Variants in NKAIN3 observed in about 807,000 individuals in gnomAD.
NKAIN3 encodes sodium/potassium-transporting ATPase subunit beta-1-interacting protein 3.
NKAIN3 carries 25 observed loss-of-function variants against 30.2 expected under a neutral mutation model. That is an observed-to-expected ratio of 0.83 (90% confidence interval 0.60 to 1.16). The LOEUF (loss-of-function observed/expected upper bound fraction) is 1.16. Among genes scored for constraint, NKAIN3 ranks in the 50% most tolerant of loss-of-function variants. NKAIN3 has a pLI of 0.00. For synonymous variants in NKAIN3, 91 were observed against 89.6 expected, an observed-to-expected ratio of 1.02 and a Z score of -0.09; for missense variants, 225 against 254.1, an observed-to-expected ratio of 0.89 and a Z score of 0.78.
intron 1 of NKAIN3, among the ~76,000 whole-genome samples, chr8:62,266,112 C>T (rs1812590143): frequency 6.6e-6 from 1 of 152,166 alleles, no homozygotes; most frequent in African/African-American, 2.4e-5. Context: ...TCCTCTTGGA[C>T]TCCTCAGAGG....
intron 5 of NKAIN3, among the ~76,000 whole-genome samples, chr8:62,920,728 C>T (rs1822252509): frequency 6.6e-6 from 1 of 152,162 alleles, no homozygotes; most frequent in Admixed American, 6.5e-5. Flanking sequence ...TAGGGCCATA[C>T]ATTACATTAC....
At chr8:62,654,743 C>T (rs1327423950) in intron 3 of NKAIN3, among the ~76,000 whole-genome samples, 1 of 152,108 alleles carries the variant, frequency 6.6e-6, no homozygotes, top group Non-Finnish European at 1.5e-5. Flanking sequence ...AAATTTACCA[C>T]ACATACACAC....
chr8:62,864,216 G>A lies in NKAIN3; in HGVS notation c.472-54237G>A, dbSNP rs1820350400. On this transcript the variant is annotated intron_variant, in intron 4 of 6. Coordinates refer to ENST00000623646, the MANE Select transcript of NKAIN3 (RefSeq NM_001304533.3). The stretch of plus-strand genomic sequence containing the variant: ...TCTGGCGGATGGCGAATACTGCGCA[G>A]AAGTGAAACTAAAAACAGCAGGATT... 5 of 699,540 alleles carry A rather than the reference G, an allele frequency of 7.1e-6. No individual in the cohort carries two copies. In the Admixed American group the frequency reaches 8.4e-5, roughly 12 times the overall value. The allele number at this position is 699,540 out of a possible 1,614,324, so 43.3% of individuals were successfully genotyped here. A position where few individuals can be genotyped will look rare whatever the true frequency, so the allele number is the denominator to read the frequency against.
chr8:62,311,808 G>A (rs1814443361), intron 1 of NKAIN3, among the ~76,000 whole-genome samples: 1 of 150,350 alleles, frequency 6.7e-6, no homozygotes, highest in South Asian at 2.1e-4. Flanking sequence ...GCCTGAAATA[G>A]TTGAAGTGAG....
At chr8:62,649,711 A>C (rs1236781574) in intron 3 of NKAIN3, among the ~76,000 whole-genome samples, 3 of 152,022 alleles carry the variant, frequency 2.0e-5, no homozygotes, top group South Asian at 2.1e-4. Context: ...TTGTGAAAGG[A>C]GGGAGGAAAA....
At chr8:62,934,418 T>A (rs1490199190) in intron 5 of NKAIN3, among the ~76,000 whole-genome samples, 1 of 151,950 alleles carries the variant, frequency 6.6e-6, no homozygotes, top group Non-Finnish European at 1.5e-5. Context: ...AAAAATAACT[T>A]ATTTTTTCCA....
intron 4 of NKAIN3, among the ~76,000 whole-genome samples, chr8:62,851,951 C>T (rs982152034): frequency 4.6e-5 from 7 of 152,150 alleles, no homozygotes; most frequent in African/African-American, 1.7e-4. Flanking sequence ...GCTTTGGTAT[C>T]AGGATGATGC....
At chr8:62,565,021 G>GA (rs1809706916) in intron 1 of NKAIN3, among the ~76,000 whole-genome samples, 2 of 151,948 alleles carry the variant, frequency 1.3e-5, no homozygotes, top group Non-Finnish European at 2.9e-5. Flanking sequence ...CATACACTTG[G>GA]AAAATCTCAA....
rs1003261606 is a variant in NKAIN3, at chr8:62,763,947, T to C, written c.471+16818T>C. 4.6e-5 allele frequency among the ~76,000 whole-genome samples: 7 copies of C among 152,306 alleles called. No individual in the cohort carries two copies. In the South Asian group the frequency reaches 1.5e-3, roughly 32 times the overall value. ...GGAGAAGTTTATTGAGGGGTTGTAATGTCTCTGGTCAGAGGGGAGGTTCGG... is the reference window on the plus strand; with the variant it reads ...GGAGAAGTTTATTGAGGGGTTGTAACGTCTCTGGTCAGAGGGGAGGTTCGG... On this transcript the variant is annotated intron_variant, in intron 4 of 6. Coordinates refer to ENST00000623646, the MANE Select transcript of NKAIN3 (RefSeq NM_001304533.3).
At chr8:62,751,761 C>T (rs553644259) in intron 4 of NKAIN3, among the ~76,000 whole-genome samples, 22 of 151,572 alleles carry the variant, frequency 1.5e-4, no homozygotes, top group Non-Finnish European at 2.5e-4. Flanking sequence ...GTATGTGTTA[C>T]ATATTATAAT....
chr8:62,448,020 T>A (rs1805536552), intron 1 of NKAIN3, among the ~76,000 whole-genome samples: 1 of 151,982 alleles, frequency 6.6e-6, no homozygotes, highest in African/African-American at 2.4e-5. Flanking sequence ...ATCACCTTGA[T>A]AAATCAACAT....
intron 4 of NKAIN3, among the ~76,000 whole-genome samples, chr8:62,749,292 G>A (rs958567791): frequency 6.6e-6 from 1 of 152,172 alleles, no homozygotes; most frequent in African/African-American, 2.4e-5. Context: ...AGGAGCTGGA[G>A]TGTCACATAA....
At chr8:62,691,338 C>T (rs1265130828) in intron 3 of NKAIN3, among the ~76,000 whole-genome samples, 1 of 151,958 alleles carries the variant, frequency 6.6e-6, no homozygotes, top group Non-Finnish European at 1.5e-5. Flanking sequence ...GGACATTCCA[C>T]CGTGTCTGAT....
chr8:62,292,298 T>G (rs1813668242), intron 1 of NKAIN3, among the ~76,000 whole-genome samples: 1 of 152,226 alleles, frequency 6.6e-6, no homozygotes, highest in Admixed American at 6.5e-5. Context: ...CTGGTTATTT[T>G]GCTTGTTAGT....
intron 3 of NKAIN3, among the ~76,000 whole-genome samples, chr8:62,711,532 A>G (rs4737610): frequency 0.86 from 130,406 of 152,124 alleles, 56,061 homozygotes; most frequent in Admixed American, 0.89. Context: ...TTCTATTGCT[A>G]AGACTTTCCA....
chr8:62,810,225 G>A (rs1345504423), intron 4 of NKAIN3, among the ~76,000 whole-genome samples: 7 of 152,092 alleles, frequency 4.6e-5, no homozygotes, highest in African/African-American at 1.4e-4. Flanking sequence ...AATGACTTTT[G>A]TAATACAGAA....
At chr8:62,540,653 T>C (rs1033853485) in intron 1 of NKAIN3, among the ~76,000 whole-genome samples, 4 of 152,174 alleles carry the variant, frequency 2.6e-5, no homozygotes, top group African/African-American at 9.7e-5. Context: ...GTAGCCTCTC[T>C]AGACCTATTC....
rs111512087 is a variant in NKAIN3 at position 62,290,803 on chromosome 8, A to C, written c.54+41676A>C. On this transcript the variant is annotated intron_variant, in intron 1 of 6. Transcript: ENST00000623646. ...TTTTTCTATTGATTGGAATAATTTCAGAAAGAATGGTACCAGCTCCTCTTT... is the reference window on the plus strand; with the variant it reads ...TTTTTCTATTGATTGGAATAATTTCCGAAAGAATGGTACCAGCTCCTCTTT... Among the ~76,000 whole-genome samples the C allele has an allele frequency of 6.3e-3, 958 of 152,316 alleles. 12 individuals are homozygous for C. Among genetic ancestry groups the C allele is most frequent in the African/African-American group, 0.021 (888 of 41,566 alleles).
intron 4 of NKAIN3, among the ~76,000 whole-genome samples, chr8:62,809,751 AT>A (rs1169251060): frequency 6.6e-6 from 1 of 152,214 alleles, no homozygotes; most frequent in African/African-American, 2.4e-5. Flanking sequence ...AACTGTTTTA[AT>A]ATCTCTACAC....
Sources: allele counts gnomAD v4.1 joint callset (sites outside exome capture counted in the v4.1 genomes callset), GRCh38; gene constraint gnomAD v4.1.1; transcripts MANE v1.5; gene names NCBI Gene and HGNC (gene_info 2026-07-23, HGNC 2026-07-21).